Variants in ARID3A observed in about 807,000 individuals in gnomAD.
The protein encoded by ARID3A is AT-rich interactive domain-containing protein 3A.
Under a neutral mutation model 52.7 loss-of-function variants are expected in ARID3A, and 11 were observed. That is an observed-to-expected ratio of 0.21 (90% CI 0.13 to 0.35). The LOEUF (loss-of-function observed/expected upper bound fraction) is 0.35. Among genes scored for constraint, ARID3A ranks in the 10% least tolerant of loss-of-function variants. The pLI is 1.00. For synonymous variants in ARID3A, 404 were observed against 359.4 expected (o/e 1.12, Z -1.40); for missense variants, 721 against 838.5 (o/e 0.86, Z 1.73).
At chr19:931,462 A>AAAC (rs1330618515) in intron 2 of ARID3A, among the ~76,000 whole-genome samples, 7 of 150,990 alleles carry the variant, frequency 4.6e-5, no homozygotes, top group South Asian at 4.2e-4. Flanking sequence ...AAAAAAAAAA[A>AAAC]AAAAACAACC....
At chr19:935,946 G>A (rs939033048) in intron 3 of ARID3A, among the ~76,000 whole-genome samples, 177 of 152,070 alleles carry the variant, frequency 1.2e-3, no homozygotes, top group Non-Finnish European at 4.7e-4. Context: ...ATCCGCCACC[G>A]CGCCCGGCTA....
rs972438840 is a variant in ARID3A, at chr19:975,102, G to C, written c.*3037G>C. The C allele has an allele frequency of 1.7e-5, 4 of 231,406 alleles. No homozygotes were observed. Among genetic ancestry groups the C allele is most frequent in the Non-Finnish European group, 3.4e-5 (4 of 116,982 alleles). 14.3% of individuals were successfully genotyped at this position (231,406 alleles called of 1,614,324 possible). On this transcript the variant is annotated 3_prime_UTR_variant, in exon 9 of 9. Coordinates refer to ENST00000263620, the MANE Select transcript of ARID3A (RefSeq NM_005224.3). ...CGCCTGTCGGTGGGGGTTTAAATTC[G>C]GTGTGGCTTTCTGGGGTGCAGCTCA...
intron 3 of ARID3A, among the ~76,000 whole-genome samples, chr19:939,596 C>T (rs1414864661): frequency 3.9e-5 from 6 of 152,252 alleles, no homozygotes; most frequent in East Asian, 1.9e-4. Context: ...AGGTATCTAA[C>T]GTGTGATCTT....
intron 3 of ARID3A, among the ~76,000 whole-genome samples, chr19:958,597 C>A (rs2037972740): frequency 6.6e-6 from 1 of 151,996 alleles, no homozygotes; most frequent in South Asian, 2.1e-4. Flanking sequence ...ACGGTGGTCC[C>A]ACAGGATTAG....
intron 6 of ARID3A, 48 bp downstream of exon 6, chr19:965,128 C>T (rs1195773129): frequency 6.5e-7 from 1 of 1,538,590 alleles, no homozygotes; most frequent in South Asian, 1.2e-5. Flanking sequence ...TGAGCTTCAG[C>T]CTGGCTGTCT....
chr19:931,989 C>T (rs966479913), intron 2 of ARID3A, among the ~76,000 whole-genome samples: 3 of 151,030 alleles, frequency 2.0e-5, no homozygotes, highest in Admixed American at 6.6e-5. Context: ...ACCAGCCTGC[C>T]GTAATGATTC....
chr19:936,163 C>T (rs1434839085), intron 3 of ARID3A, among the ~76,000 whole-genome samples: 1 of 152,246 alleles, frequency 6.6e-6, no homozygotes, highest in Non-Finnish European at 1.5e-5. Flanking sequence ...CCTTTAGTCT[C>T]AACAATTCTA....
At chr19:940,777 G>T (rs2037532872) in intron 3 of ARID3A, among the ~76,000 whole-genome samples, 1 of 152,162 alleles carries the variant, frequency 6.6e-6, no homozygotes, top group Non-Finnish European at 1.5e-5. Context: ...TGGGCCTCCG[G>T]GAGCCCCGGC....
rs368361708 is a variant in ARID3A, at chr19:958,889, C to CA, written c.694-1190dup. Reference sequence around the variant, plus strand: ...GCCTGGGGACAGCGAGACTCCGTCTCAAAAAAAAAAAAATTCCATATTTCT... The same window carrying CA: ...GCCTGGGGACAGCGAGACTCCGTCTCAAAAAAAAAAAAAATTCCATATTTCT... On this transcript the variant is annotated intron_variant, in intron 3 of 8. Transcript: ENST00000263620. Among the ~76,000 whole-genome samples the CA allele has an allele frequency of 3.1e-3, 443 of 144,760 alleles. 3 individuals carry two copies. Among genetic ancestry groups the CA allele is most frequent in the African/African-American group, 7.5e-3 (295 of 39,538 alleles). The allele number at this position is 144,760 out of a possible 152,430, so 95.0% of individuals were successfully genotyped here.
In ARID3A at chr19:968,417, G is replaced by T; in HGVS notation, c.1508G>T (p.Arg503Leu). 1.9e-6 allele frequency: 3 copies of T among 1,613,620 alleles called. No individual in the cohort carries two copies. Among genetic ancestry groups the T allele is most frequent in the East Asian group, 2.2e-5 (1 of 44,876 alleles). The change falls in exon 8 of 9, where the codon CGC (arginine) becomes CTC (leucine). Residue 503 changes from arginine (R) to leucine (L), a missense_variant. By Grantham distance (102) the Arg-to-Leu change is moderately radical. Coordinates refer to ENST00000263620, the MANE Select transcript of ARID3A (RefSeq NM_005224.3). ...IRINSQASES[R>L]QDSAVNLTGT... is the part of the protein sequence containing the mutation. ...CTTCTTCCCACAGCCTCCGAAAGCC[G>T]CCAGGACTCTGCTGTGAACCTGACG...
intron 7 of ARID3A, among the ~76,000 whole-genome samples, chr19:967,074 A>G (rs923308351): frequency 6.6e-6 from 1 of 152,124 alleles, no homozygotes; most frequent in African/African-American, 2.4e-5. Context: ...CCTGGGCAAC[A>G]TGGTGAAACT....
chr19:951,902 G>A (rs2037809605), intron 3 of ARID3A, among the ~76,000 whole-genome samples: 1 of 152,172 alleles, frequency 6.6e-6, no homozygotes, highest in Non-Finnish European at 1.5e-5. Context: ...TCGAGAGGCA[G>A]AGGCGGGAGG....
At chr19:927,881 G>C (rs983909228) in intron 1 of ARID3A, among the ~76,000 whole-genome samples, 1 of 151,604 alleles carries the variant, frequency 6.6e-6, no homozygotes, top group African/African-American at 2.4e-5. Context: ...CTTTCTCCCA[G>C]GGGCCACCCA....
intron 2 of ARID3A, among the ~76,000 whole-genome samples, chr19:930,700 G>C (rs564814035): frequency 4.7e-5 from 7 of 150,536 alleles, no homozygotes; most frequent in Non-Finnish European, 3.0e-5. Flanking sequence ...TAGTAGAGAC[G>C]GGGTTTCACC....
In ARID3A at chr19:932,559, G is replaced by A. The variant is rs906254975; in HGVS notation, c.510G>A (p.Thr170=). ...GPPGPASLGT[T]ALFPRKAQPP... is the part of the protein sequence containing the mutation. ...CAGGCCCTGCCAGCTTGGGCACCAC[G>A]GCACTGTTCCCCCGAAAGGCCCAGC... Residue 170 remains threonine (T), a synonymous_variant, in exon 3 of 9, where the codon ACG becomes ACA. Transcript: ENST00000263620. The A allele has an allele frequency of 3.3e-6, 5 of 1,507,070 alleles. No individual in the cohort carries two copies. Among genetic ancestry groups the A allele is most frequent in the Non-Finnish European group, 4.4e-6 (5 of 1,130,914 alleles). The allele number at this position is 1,507,070 out of a possible 1,614,324, so 93.4% of individuals were successfully genotyped here. A position where few individuals can be genotyped will look rare whatever the true frequency, so the allele number is the denominator to read the frequency against.
rs183260679 is a variant in ARID3A at position 941,888 on chromosome 19, G to A, written c.693+9146G>A. 1.0e-3 allele frequency among the ~76,000 whole-genome samples: 152 copies of A among 152,088 alleles called. 1 individual carries two copies. Among genetic ancestry groups the A allele is most frequent in the Admixed American group, 2.6e-3 (39 of 15,274 alleles). The stretch of plus-strand genomic sequence containing the variant: ...TCCAAAAGCGTGCCTGCTTGGGCTC[G>A]CCACGTGTGCGCACGTGTGCCCGTG... On this transcript the variant is annotated intron_variant, in intron 3 of 8. Coordinates refer to ENST00000263620, the MANE Select transcript of ARID3A (RefSeq NM_005224.3). This position sits in a 1 kb window ranked among gnomAD's most constrained non-coding sequence, Gnocchi z 6.9.
chr19:969,623 A>T (rs1008295005), intron 8 of ARID3A, among the ~76,000 whole-genome samples: 1 of 151,064 alleles, frequency 6.6e-6, no homozygotes, highest in Non-Finnish European at 1.5e-5. Context: ...ATATAGATTT[A>T]TATGTATCTA....
chr19:933,643 C>T (rs2037379030), intron 3 of ARID3A, among the ~76,000 whole-genome samples: 1 of 151,962 alleles, frequency 6.6e-6, no homozygotes. Flanking sequence ...GAGGAGCCTC[C>T]TAGGAGGGGC....
At chr19:932,872 A>G in intron 3 of ARID3A, 130 bp downstream of exon 3, 1 of 1,477,696 alleles carries the variant, frequency 6.8e-7, no homozygotes, top group Non-Finnish European at 8.9e-7. Flanking sequence ...TTCCTGCGGT[A>G]GCTGTGCTTC....
Sources: allele counts gnomAD v4.1 joint callset (sites outside exome capture counted in the v4.1 genomes callset), GRCh38; gene constraint gnomAD v4.1.1; non-coding constraint Gnocchi (gnomAD v3.1); transcripts MANE v1.5; gene names NCBI Gene and HGNC (gene_info 2026-07-23, HGNC 2026-07-21).